ZNF395: variants seen among roughly 807,000 people sequenced by gnomAD.
The protein encoded by ZNF395 is zinc finger protein 395, also known as HD gene regulatory region-binding protein 2.
In ZNF395, 20 loss-of-function variants were observed where a neutral mutation model predicts 57.7. The ratio of observed to expected loss-of-function variants is 0.35; its 90% CI spans 0.24 to 0.50. The LOEUF (loss-of-function observed/expected upper bound fraction) is 0.50. Among genes scored for constraint, ZNF395 ranks in the 20% least tolerant of loss-of-function variants. ZNF395 has a pLI of 0.97. For synonymous variants in ZNF395, 295 were observed against 275.9 expected (o/e 1.07, Z -0.69); for missense variants, 606 against 671.2 (o/e 0.90, Z 1.07).
intron 5 of ZNF395, 51 bp downstream of exon 5, chr8:28,353,122 C>T: frequency 6.3e-7 from 1 of 1,579,976 alleles, no homozygotes; most frequent in African/African-American, 1.3e-5. Context: ...TGTCCCCACA[C>T]AGACATCATC....
intron 1 of ZNF395, among the ~76,000 whole-genome samples, chr8:28,380,443 C>T (rs540984069): frequency 1.3e-5 from 2 of 152,262 alleles, no homozygotes; most frequent in East Asian, 3.9e-4. Context: ...ATCTGATGAG[C>T]GCGCCTTCTC....
Position 28,351,705 on chromosome 8 carries a change from T to TGCGGCAGCAGCAGCA in ZNF395, c.1008_1022dup (p.Ala337_Ala341dup). 1.2e-6 allele frequency: 2 copies of TGCGGCAGCAGCAGCA among 1,610,436 alleles called. No homozygotes were observed. Among genetic ancestry groups the TGCGGCAGCAGCAGCA allele is most frequent in the Non-Finnish European group, 8.5e-7 (1 of 1,179,764 alleles). ...TGGGAGTCCCAGGGACTGGGGTGCCTGCGGCAGCAGCAGCAGCAGCAGCAG... is the reference window on the plus strand; with the variant it reads ...TGGGAGTCCCAGGGACTGGGGTGCCTGCGGCAGCAGCAGCAGCGGCAGCAGCAGCAGCAGCAGCAG... On this transcript the variant is annotated inframe_insertion, in exon 7 of 10. Coordinates refer to ENST00000344423, the MANE Select transcript of ZNF395 (RefSeq NM_018660.3).
chr8:28,352,764 C>A lies in ZNF395; in HGVS notation c.820-91G>T. ...AGTGGGGACTCAAACTGGCTGCTGT[C>A]CCCGGCCTGACCCAACAAAAACCTC... On this transcript the variant is annotated intron_variant, in intron 5 of 9. Coordinates refer to ENST00000344423, the MANE Select transcript of ZNF395 (RefSeq NM_018660.3). This position sits in a 1 kb window ranked among gnomAD's most constrained non-coding sequence, Gnocchi z 4.0. 8.6e-7 allele frequency: 1 copy of A among 1,156,824 alleles called. No homozygotes were observed. 71.7% of individuals were successfully genotyped at this position (1,156,824 alleles called of 1,614,324 possible).
At chr8:28,353,481 G>A (rs1436731306) in intron 4 of ZNF395, 73 bp from the exon 5 acceptor site, 66 of 1,220,158 alleles carry the variant, frequency 5.4e-5, no homozygotes, top group African/African-American at 1.8e-4. Flanking sequence ...TCTGAGCTTC[G>A]GTAAACATGG....
intron 1 of ZNF395, among the ~76,000 whole-genome samples, chr8:28,381,007 C>A (rs1444873586): frequency 1.6e-5 from 2 of 128,582 alleles, no homozygotes; most frequent in African/African-American, 5.8e-5. Context: ...CACCACCACA[C>A]CCTGCTAGTG....
At position 28,348,834 on chromosome 8, in the gene ZNF395, C is replaced by A; in HGVS notation, c.1431-4G>T. 1 of 1,613,830 alleles carries A rather than the reference C, an allele frequency of 6.2e-7. No individual in the cohort carries two copies. Among genetic ancestry groups the A allele is most frequent in the Non-Finnish European group, 8.5e-7 (1 of 1,179,908 alleles). On this transcript the variant is annotated splice_region_variant and splice_polypyrimidine_tract_variant and intron_variant, in intron 9 of 9. Transcript: ENST00000344423. ...CTTAGCCTCCCCTCGGGCTTTCCTGCAGAAAGAGAGGAATGCAAATCGAGC... is the reference window on the plus strand; with the variant it reads ...CTTAGCCTCCCCTCGGGCTTTCCTGAAGAAAGAGAGGAATGCAAATCGAGC...
intron 4 of ZNF395, among the ~76,000 whole-genome samples, chr8:28,355,297 C>T (rs1041290338): frequency 1.3e-5 from 2 of 152,130 alleles, no homozygotes; most frequent in Admixed American, 1.3e-4. Flanking sequence ...ATAGTATCTA[C>T]GACTCTCTTA....
intron 9 of ZNF395, 66 bp from the exon 10 acceptor site, chr8:28,348,896 G>A (rs2129934385): frequency 6.5e-7 from 1 of 1,530,286 alleles, no homozygotes; most frequent in Non-Finnish European, 9.0e-7. Context: ...GTGGCCAAGT[G>A]GGGCTGGGAG....
rs758331357 is a variant in ZNF395 at position 28,359,151 on chromosome 8, C to G, written c.473+441G>C. Among the ~76,000 whole-genome samples the G allele has an allele frequency of 7.2e-5, 11 of 152,206 alleles. No individual in the cohort carries two copies. The highest frequency in any genetic ancestry group is 7.3e-5 in the Non-Finnish European group (5 of 68,042). ...GTGGCTCAAACCTGTAATCCCAGCA[C>G]GTTGGGAGGCCAAGGCAGGTGGATC... On this transcript the variant is annotated intron_variant, in intron 3 of 9. Transcript: ENST00000344423. The surrounding 1 kb of genome is among the most constrained non-coding windows in gnomAD (Gnocchi z 4.7).
chr8:28,379,311 T>A (rs1802081888), intron 1 of ZNF395, among the ~76,000 whole-genome samples: 1 of 152,146 alleles, frequency 6.6e-6, no homozygotes, highest in Non-Finnish European at 1.5e-5. Context: ...TAAGACTAGA[T>A]CTTATGATTA....
At chr8:28,382,271 C>T (rs1229457651) in intron 1 of ZNF395, among the ~76,000 whole-genome samples, 1 of 149,972 alleles carries the variant, frequency 6.7e-6, no homozygotes, top group Non-Finnish European at 1.5e-5. Flanking sequence ...GTATTTTTTC[C>T]CCCAATTTTT....
At chr8:28,374,492 G>T (rs1369352017) in intron 1 of ZNF395, among the ~76,000 whole-genome samples, 4 of 152,058 alleles carry the variant, frequency 2.6e-5, no homozygotes, top group Admixed American at 1.3e-4. Flanking sequence ...AAAAAGAAAA[G>T]AAACAGTCCC....
rs1801786819 is a variant in ZNF395, at chr8:28,356,846, C to T, written c.474-67G>A. 1.6e-5 allele frequency: 20 copies of T among 1,262,094 alleles called. No homozygotes were observed. Among genetic ancestry groups the T allele is most frequent in the Middle Eastern group, 1.9e-4 (1 of 5,324 alleles). The allele number at this position is 1,262,094 out of a possible 1,614,324, so 78.2% of individuals were successfully genotyped here. On this transcript the variant is annotated intron_variant, in intron 3 of 9. Coordinates refer to ENST00000344423, the MANE Select transcript of ZNF395 (RefSeq NM_018660.3). This position sits in a 1 kb window ranked among gnomAD's most constrained non-coding sequence, Gnocchi z 4.0. ...TGGCGGGCCCATGGTCCTTGCAAAA[C>T]GAGACACCACTTCTGGCTGGTTTCA...
At chr8:28,376,195 G>A (rs1024589770) in intron 1 of ZNF395, among the ~76,000 whole-genome samples, 3 of 152,004 alleles carry the variant, frequency 2.0e-5, no homozygotes, top group Admixed American at 6.5e-5. Context: ...GGCTGGTCTC[G>A]AACTGCTGGG....
chr8:28,382,829 G>A (rs947563987), intron 1 of ZNF395, among the ~76,000 whole-genome samples: 2 of 152,126 alleles, frequency 1.3e-5, no homozygotes, highest in Admixed American at 6.5e-5. Context: ...ATTAGAGAAC[G>A]ATTAGATCAA....
intron 1 of ZNF395, among the ~76,000 whole-genome samples, chr8:28,381,058 T>TGTGTGTGTGTG (rs1563343859): frequency 5.0e-5 from 7 of 138,758 alleles, no homozygotes; most frequent in East Asian, 2.1e-4. Context: ...TGTGTGTGTG[T>TGTGTGTGTGTG]TTTGACGGAG....
rs551758044 is a variant in ZNF395 at position 28,376,438 on chromosome 8, G to A, written c.-59+9955C>T. 1.7e-3 allele frequency among the ~76,000 whole-genome samples: 257 copies of A among 151,942 alleles called. 2 individuals carry two copies. Among genetic ancestry groups the A allele is most frequent in the African/African-American group, 5.7e-3 (238 of 41,470 alleles). On this transcript the variant is annotated intron_variant, in intron 1 of 9. Coordinates refer to ENST00000344423, the MANE Select transcript of ZNF395 (RefSeq NM_018660.3). ...TCAAGACCAGCCTGGCCATCATGGT[G>A]AAACCCCATCTCCACTAAAAAAAAT... is the stretch of plus-strand genomic sequence containing the variant.
chr8:28,353,176 TC>T lies in ZNF395; in HGVS notation c.815del (p.Arg272LysfsTer5). ...CACTCACACCACAATCACGTACCTT[TC>T]TTTTTCGTGGAGCTGGTTCGTCCAG... ...FLLDEPAPRK[R>X]KNSVKVMYKC... is the part of the protein sequence containing the mutation. On this transcript the variant is annotated frameshift_variant, in exon 5 of 10. Transcript: ENST00000344423. LOFTEE classifies it high-confidence loss of function. The T allele has an allele frequency of 6.2e-7, 1 of 1,613,682 alleles. No individual in the cohort carries two copies. Among genetic ancestry groups the T allele is most frequent in the Non-Finnish European group, 8.5e-7 (1 of 1,180,002 alleles).
rs1801637055 is a variant in ZNF395, at chr8:28,348,593, C to G, written c.*126G>C. The G allele has an allele frequency of 1.2e-6, 1 of 804,084 alleles. No homozygotes were observed. The highest frequency in any genetic ancestry group is 2.6e-5 in the East Asian group (1 of 38,446). The allele number at this position is 804,084 out of a possible 1,614,324, so 49.8% of individuals were successfully genotyped here. A position where few individuals can be genotyped will look rare whatever the true frequency, so the allele number is the denominator to read the frequency against. On this transcript the variant is annotated 3_prime_UTR_variant, in exon 10 of 10. Transcript: ENST00000344423. The stretch of plus-strand genomic sequence containing the variant: ...ATTGCTTTAAGTGTTACACCTTAGC[C>G]AACAGAGCCCAAACTCCGTGTTTCC...
Sources: gnomAD v4.1 joint callset for allele counts (sites outside exome capture counted in the v4.1 genomes callset) on GRCh38, gnomAD v4.1.1 for gene constraint, Gnocchi (gnomAD v3.1) non-coding constraint, MANE v1.5 for transcripts, NCBI Gene and HGNC (gene_info 2026-07-23, HGNC 2026-07-21) for gene names.